Variants in WDR70 observed in about 807,000 individuals in gnomAD.
WDR70 encodes the protein WD repeat-containing protein 70.
WDR70 carries 53 observed loss-of-function variants against 88.6 expected under a neutral mutation model. The observed-to-expected ratio is 0.60, with a 90% confidence interval of 0.48 to 0.75. The LOEUF (loss-of-function observed/expected upper bound fraction) is 0.75, where lower values mean the gene tolerates loss of function less well. WDR70 is among the 30% of genes least tolerant of loss of function. The pLI, the probability that WDR70 is intolerant of heterozygous loss-of-function variation, is 0.00. For missense variants in WDR70, 610 were observed against 823.2 expected, an observed-to-expected ratio of 0.74 and a Z score of 3.17; for synonymous variants, 280 against 270.0, an observed-to-expected ratio of 1.04 and a Z score of -0.36.
chr5:37,618,264 A>G (rs1013488727), intron 10 of WDR70, among the ~76,000 whole-genome samples: 4 of 152,250 alleles, frequency 2.6e-5, no homozygotes, highest in Non-Finnish European at 5.9e-5. Context: ...TTGAATAAGC[A>G]GATTCAATAG....
At chr5:37,499,096 G>A (rs1406020673) in intron 8 of WDR70, among the ~76,000 whole-genome samples, 1 of 151,776 alleles carries the variant, frequency 6.6e-6, no homozygotes, top group Admixed American at 6.6e-5. Flanking sequence ...ATGATGTTGA[G>A]CATCTTTTCA....
intron 10 of WDR70, among the ~76,000 whole-genome samples, chr5:37,640,615 T>G (rs1276865664): frequency 6.6e-6 from 1 of 152,214 alleles, no homozygotes; most frequent in Non-Finnish European, 1.5e-5. Context: ...TTGCTCTCTA[T>G]GTTAGCTTAC....
intron 9 of WDR70, among the ~76,000 whole-genome samples, chr5:37,560,238 A>G (rs1253127612): frequency 6.6e-6 from 1 of 152,172 alleles, no homozygotes; most frequent in East Asian, 1.9e-4. Flanking sequence ...CTAATGTTGT[A>G]TTGTTTGGAG....
At chr5:37,465,813 T>G (rs1238631414) in intron 7 of WDR70, among the ~76,000 whole-genome samples, 1 of 140,558 alleles carries the variant, frequency 7.1e-6, no homozygotes, top group Non-Finnish European at 1.6e-5. Flanking sequence ...TTTTTTTTTT[T>G]GCAAGAAACT....
rs766569380 is a variant in WDR70, at chr5:37,437,913, T to A, written c.493-9T>A. ...TTACCATTAATGTCATGGGGTTTTCTTGTTTCAGAATCCTGTTCACAAGAT... is the reference window on the plus strand; with the variant it reads ...TTACCATTAATGTCATGGGGTTTTCATGTTTCAGAATCCTGTTCACAAGAT... On this transcript the variant is annotated splice_polypyrimidine_tract_variant and intron_variant, in intron 5 of 17. Transcript: ENST00000265107. 1 of 1,601,870 alleles carries A rather than the reference T, an allele frequency of 6.2e-7. No individual in the cohort carries two copies. Among genetic ancestry groups the A allele is most frequent in the Non-Finnish European group, 8.5e-7 (1 of 1,173,564 alleles).
intron 3 of WDR70, among the ~76,000 whole-genome samples, chr5:37,383,331 C>T (rs1179763099): frequency 6.6e-6 from 1 of 152,068 alleles, no homozygotes; most frequent in Admixed American, 6.6e-5. Flanking sequence ...GTGATCTCAG[C>T]TCACTGTGAC....
At chr5:37,449,600 AAAATAAAAAATAAAAAATAAAT>A (rs1738602312) in intron 7 of WDR70, among the ~76,000 whole-genome samples, 5 of 43,554 alleles carry the variant, frequency 1.1e-4, no homozygotes, top group Admixed American at 2.1e-4. Flanking sequence ...CAAAAAAAAA[AAAATAAAAAATAAAAAATAAAT>A]AAATAAATAA....
At chr5:37,429,341 GA>G (rs1239484428) in intron 5 of WDR70, among the ~76,000 whole-genome samples, 1 of 152,038 alleles carries the variant, frequency 6.6e-6, no homozygotes, top group Non-Finnish European at 1.5e-5. Context: ...GTTGAGGATA[GA>G]AATTTTAAAT....
intron 10 of WDR70, among the ~76,000 whole-genome samples, chr5:37,637,418 G>A (rs1392467993): frequency 6.6e-6 from 1 of 151,838 alleles, no homozygotes; most frequent in African/African-American, 2.4e-5. Context: ...ACATGTTTTT[G>A]AAATACCCTT....
At chr5:37,409,172 C>A (rs542691875) in intron 5 of WDR70, among the ~76,000 whole-genome samples, 10 of 152,098 alleles carry the variant, frequency 6.6e-5, no homozygotes, top group Non-Finnish European at 1.3e-4. Context: ...CTCCTGACCT[C>A]AGGTGATCCA....
chr5:37,638,230 G>T (rs1028940494), intron 10 of WDR70, among the ~76,000 whole-genome samples: 1 of 152,116 alleles, frequency 6.6e-6, no homozygotes, highest in Non-Finnish European at 1.5e-5. Context: ...AATTTATGTT[G>T]TAAGAGTTAT....
In WDR70 at chr5:37,601,452, A is replaced by G. The variant is rs145107113; in HGVS notation, c.918-3612A>G. Among the ~76,000 whole-genome samples the G allele has an allele frequency of 5.1e-4, 77 of 152,262 alleles. 1 individual carries two copies. The highest frequency in any genetic ancestry group is 1.7e-3 in the African/African-American group (69 of 41,528). ...CATTTTTGTGATGATTCTTGCATCT[A>G]TGTTCACTAGGGATATTGTTCTGTA... On this transcript the variant is annotated intron_variant, in intron 9 of 17. Coordinates refer to ENST00000265107, the MANE Select transcript of WDR70 (RefSeq NM_018034.4).
chr5:37,602,264 A>T (rs981792082), intron 9 of WDR70, among the ~76,000 whole-genome samples: 3 of 151,876 alleles, frequency 2.0e-5, no homozygotes, highest in Non-Finnish European at 2.9e-5. Flanking sequence ...CAATAACATT[A>T]AAAAAATACT....
chr5:37,735,076 T>A (rs1748261257), intron 17 of WDR70, among the ~76,000 whole-genome samples: 1 of 152,070 alleles, frequency 6.6e-6, no homozygotes, highest in African/African-American at 2.4e-5. Context: ...TTTTGTGGAG[T>A]GGAGGGTGAG....
chr5:37,634,277 C>T (rs972598078), intron 10 of WDR70, among the ~76,000 whole-genome samples: 9 of 135,132 alleles, frequency 6.7e-5, no homozygotes, highest in Non-Finnish European at 1.1e-4. Flanking sequence ...CCAGCCTGGG[C>T]GACAGTGTGG....
chr5:37,514,928 A>T (rs1310367444), intron 8 of WDR70, among the ~76,000 whole-genome samples: 1 of 151,912 alleles, frequency 6.6e-6, no homozygotes, highest in East Asian at 1.9e-4. Flanking sequence ...AGGCAGGAGG[A>T]TCACTTGAGC....
chr5:37,417,089 A>G (rs1463146776), intron 5 of WDR70, among the ~76,000 whole-genome samples: 1 of 152,142 alleles, frequency 6.6e-6, no homozygotes, highest in East Asian at 1.9e-4. Flanking sequence ...CACTGCTAGT[A>G]TGGATCAAAA....
chr5:37,581,958 C>T (rs1357540830), intron 9 of WDR70, among the ~76,000 whole-genome samples: 1 of 152,014 alleles, frequency 6.6e-6, no homozygotes, highest in African/African-American at 2.4e-5. Context: ...CAAATCCTAG[C>T]TCTCATAGTG....
At chr5:37,413,867 C>T (rs192578578) in intron 5 of WDR70, among the ~76,000 whole-genome samples, 37 of 150,794 alleles carry the variant, frequency 2.5e-4, no homozygotes, top group Admixed American at 1.6e-3. Context: ...CAGATCTTGC[C>T]GGGCACAGTG....
Sources: gnomAD v4.1 joint callset for allele counts (sites outside exome capture counted in the v4.1 genomes callset) on GRCh38, gnomAD v4.1.1 for gene constraint, MANE v1.5 for transcripts, NCBI Gene and HGNC (gene_info 2026-07-23, HGNC 2026-07-21) for gene names.